DAB1: variants seen among roughly 807,000 people sequenced by gnomAD.
DAB1 encodes disabled homolog 1.
In DAB1, 15 loss-of-function variants were observed where a neutral mutation model predicts 64.6. The ratio of observed to expected loss-of-function variants is 0.23; its 90% confidence interval spans 0.16 to 0.36. The LOEUF is 0.36. DAB1 is among the 10% of genes least tolerant of loss of function. The pLI, the probability that DAB1 is intolerant of heterozygous loss-of-function variation, is 1.00. For missense variants in DAB1, 596 were observed against 706.7 expected (o/e 0.84, Z 1.78); for synonymous variants, 235 against 251.9 (o/e 0.93, Z 0.64).
intron 4 of DAB1, among the ~76,000 whole-genome samples, chr1:58,310,710 C>A (rs1241935048): frequency 1.3e-5 from 2 of 152,192 alleles, no homozygotes; most frequent in East Asian, 3.9e-4. Flanking sequence ...AGGAGACACA[C>A]TGGCACCTTG....
chr1:58,100,404 G>T (rs963171780), intron 5 of DAB1, among the ~76,000 whole-genome samples: 4 of 152,118 alleles, frequency 2.6e-5, no homozygotes, highest in African/African-American at 4.8e-5. Context: ...TCTTTAAGGG[G>T]TGAATAATAT....
At chr1:57,396,540 C>T (rs1035487681) in intron 1 of DAB1, among the ~76,000 whole-genome samples, 5 of 152,080 alleles carry the variant, frequency 3.3e-5, no homozygotes, top group East Asian at 3.8e-4. Flanking sequence ...TTTGACTTTA[C>T]GAGTTTAGCA....
intron 5 of DAB1, among the ~76,000 whole-genome samples, chr1:58,095,571 A>T (rs1328302763): frequency 1.3e-5 from 2 of 152,148 alleles, no homozygotes; most frequent in Non-Finnish European, 2.9e-5. Flanking sequence ...CTGGAGTTAC[A>T]TCGGTCTGTT....
At chr1:57,285,986 C>T (rs946758628) in intron 2 of DAB1, among the ~76,000 whole-genome samples, 1 of 152,142 alleles carries the variant, frequency 6.6e-6, no homozygotes, top group Admixed American at 6.5e-5. Context: ...CATCAAATTC[C>T]ACTTCTGGAA....
chr1:57,028,468 G>C (rs1261403041), intron 9 of DAB1, among the ~76,000 whole-genome samples: 1 of 152,162 alleles, frequency 6.6e-6, no homozygotes, highest in East Asian at 1.9e-4. Flanking sequence ...GTGAGGTGTT[G>C]CTGAAAAGAT....
intron 1 of DAB1, among the ~76,000 whole-genome samples, chr1:57,390,134 TA>T (rs1682221612): frequency 6.6e-6 from 1 of 152,228 alleles, no homozygotes; most frequent in South Asian, 2.1e-4. Flanking sequence ...CTCACAGACT[TA>T]TTACAGACAA....
chr1:57,343,611 G>A (rs982873549), intron 1 of DAB1, among the ~76,000 whole-genome samples: 1 of 152,218 alleles, frequency 6.6e-6, no homozygotes, highest in Non-Finnish European at 1.5e-5. Context: ...AGGCAGCTAA[G>A]GCCCGGCGAG....
chr1:57,805,123 A>C (rs914154386), intron 6 of DAB1, among the ~76,000 whole-genome samples: 1 of 152,232 alleles, frequency 6.6e-6, no homozygotes, highest in Non-Finnish European at 1.5e-5. Flanking sequence ...CCTGGTTTGC[A>C]CATCCCCACT....
chr1:57,659,616 A>T (rs1360140014), intron 6 of DAB1, among the ~76,000 whole-genome samples: 1 of 152,120 alleles, frequency 6.6e-6, no homozygotes, highest in Non-Finnish European at 1.5e-5. Context: ...TGAGTAAAAT[A>T]AGGAGTTTTG....
At chr1:57,587,399 C>T (rs936217470) in intron 7 of DAB1, among the ~76,000 whole-genome samples, 1 of 152,180 alleles carries the variant, frequency 6.6e-6, no homozygotes, top group Admixed American at 6.5e-5. Context: ...CTCACAAAAA[C>T]TCTGAGACAC....
chr1:57,213,697 A>C (rs1188929288), intron 2 of DAB1, among the ~76,000 whole-genome samples: 1 of 152,238 alleles, frequency 6.6e-6, no homozygotes, highest in Non-Finnish European at 1.5e-5. Flanking sequence ...GCATCACCCT[A>C]CAGGCAGGTA....
intron 7 of DAB1, among the ~76,000 whole-genome samples, chr1:57,636,115 A>AAAAAAAAAAAAAAAAT (rs1558562585): frequency 6.9e-6 from 1 of 145,106 alleles, no homozygotes; most frequent in African/African-American, 2.6e-5. Context: ...AAAAAAAAAC[A>AAAAAAAAAAAAAAAAT]AAAACAAAAA....
chr1:57,648,961 A>G (rs746404993), intron 7 of DAB1, among the ~76,000 whole-genome samples: 3 of 152,216 alleles, frequency 2.0e-5, no homozygotes, highest in Non-Finnish European at 4.4e-5. Context: ...AGATATTGGA[A>G]TGAATGCTTC....
chr1:57,636,323 A>T (rs570927475), intron 7 of DAB1, among the ~76,000 whole-genome samples: 1 of 152,162 alleles, frequency 6.6e-6, no homozygotes, highest in South Asian at 2.1e-4. Context: ...TGAGAAAATA[A>T]ATGTCTGTTG....
At chr1:57,898,651 C>T (rs768360382) in intron 5 of DAB1, among the ~76,000 whole-genome samples, 9 of 152,122 alleles carry the variant, frequency 5.9e-5, no homozygotes, top group Non-Finnish European at 1.2e-4. Context: ...GGGTTCCAAC[C>T]CCAGCACACC....
In DAB1 at chr1:57,971,140, C is replaced by A. The variant is rs547923220; in HGVS notation, n.388-86978G>T. Among the ~76,000 whole-genome samples, 19 of 152,272 alleles carry A rather than the reference C, an allele frequency of 1.2e-4. No individual in the cohort carries two copies. In the South Asian group the frequency reaches 3.9e-3, roughly 32 times the overall value. ...AGAGGTCAGTTTGTCTAGGCATAAG[C>A]AAGGCAAGACTTGGATCTTTTGGCT... On this transcript the variant is annotated intron_variant and non_coding_transcript_variant, in intron 5 of 20. Transcript: ENST00000485760.
intron 2 of DAB1, among the ~76,000 whole-genome samples, chr1:57,171,749 T>C (rs1307976144): frequency 1.3e-5 from 2 of 152,246 alleles, no homozygotes; most frequent in Non-Finnish European, 2.9e-5. Context: ...CCTAGGTTTA[T>C]GTCTGCACAG....
At chr1:57,152,554 C>T (rs1659793994) in intron 2 of DAB1, among the ~76,000 whole-genome samples, 1 of 152,166 alleles carries the variant, frequency 6.6e-6, no homozygotes, top group African/African-American at 2.4e-5. Context: ...AGGAAAGAGG[C>T]CTGGATTCAG....
At chr1:57,953,615 T>G (rs948089440) in intron 5 of DAB1, among the ~76,000 whole-genome samples, 4 of 152,178 alleles carry the variant, frequency 2.6e-5, no homozygotes, top group Non-Finnish European at 5.9e-5. Context: ...CCTTCCAGAT[T>G]GCTTTTCCAT....
Sources: gnomAD v4.1 joint callset for allele counts (sites outside exome capture counted in the v4.1 genomes callset) on GRCh38, gnomAD v4.1.1 for gene constraint, MANE v1.5 for transcripts, NCBI Gene and HGNC (gene_info 2026-07-23, HGNC 2026-07-21) for gene names.